MAST4: variants seen among roughly 807,000 people sequenced by gnomAD.
MAST4 encodes the protein microtubule associated serine/threonine kinase family member 4.
In MAST4, 89 loss-of-function variants were observed where a neutral mutation model predicts 162.7. The observed-to-expected ratio is 0.55, with a 90% CI of 0.46 to 0.65. MAST4 has a LOEUF of 0.65. MAST4 is among the 30% of genes least tolerant of loss of function. MAST4 has a pLI of 0.00. For synonymous variants in MAST4, 1,479 were observed against 1,361.1 expected (o/e 1.09, Z -1.91); for missense variants, 3,153 against 3,374.0 (o/e 0.93, Z 1.62).
chr5:67,025,193 A>G (rs1191918117), intron 4 of MAST4, among the ~76,000 whole-genome samples: 3 of 152,162 alleles, frequency 2.0e-5, no homozygotes, highest in East Asian at 1.9e-4. Flanking sequence ...AAGGAAACCA[A>G]TTATAATGAA....
At chr5:66,672,077 A>G (rs1747644691) in intron 1 of MAST4, among the ~76,000 whole-genome samples, 1 of 152,188 alleles carries the variant, frequency 6.6e-6, no homozygotes, top group Non-Finnish European at 1.5e-5. Flanking sequence ...TTAAACATGT[A>G]GTGTATTTTA....
chr5:66,760,897 G>A (rs1042128755), intron 2 of MAST4, among the ~76,000 whole-genome samples: 4 of 152,092 alleles, frequency 2.6e-5, no homozygotes, highest in African/African-American at 7.2e-5. Flanking sequence ...TGATCTGATC[G>A]CTATACATTA....
At chr5:66,841,693 C>A (rs553972729) in intron 3 of MAST4, among the ~76,000 whole-genome samples, 4 of 152,170 alleles carry the variant, frequency 2.6e-5, no homozygotes, top group Non-Finnish European at 5.9e-5. Context: ...GGCCCCATCT[C>A]TAAATGTTAA....
At chr5:66,865,683 C>T (rs1760460811) in intron 3 of MAST4, among the ~76,000 whole-genome samples, 1 of 152,098 alleles carries the variant, frequency 6.6e-6, no homozygotes, top group Non-Finnish European at 1.5e-5. Flanking sequence ...GCTCCCTAGC[C>T]CTGTCTCATC....
At chr5:66,872,598 G>A (rs1036796242) in intron 3 of MAST4, among the ~76,000 whole-genome samples, 5 of 152,190 alleles carry the variant, frequency 3.3e-5, no homozygotes, top group African/African-American at 1.2e-4. Flanking sequence ...CCGAGCCGCA[G>A]ACAACTCACT....
chr5:66,840,733 C>T (rs138266161), intron 3 of MAST4, among the ~76,000 whole-genome samples: 56 of 152,222 alleles, frequency 3.7e-4, no homozygotes, highest in African/African-American at 8.7e-4. Flanking sequence ...AAGAATATAC[C>T]CAGGGTAGCT....
chr5:67,078,822 A>T (rs1381578841), intron 5 of MAST4, among the ~76,000 whole-genome samples: 33 of 124,292 alleles, frequency 2.7e-4, no homozygotes, highest in Non-Finnish European at 4.5e-4. Flanking sequence ...ATATTTTTAT[A>T]TTTATATTTA....
intron 3 of MAST4, among the ~76,000 whole-genome samples, chr5:66,862,082 A>C (rs760106646): frequency 6.6e-6 from 1 of 152,218 alleles, no homozygotes; most frequent in Non-Finnish European, 1.5e-5. Context: ...CACAAATGAA[A>C]CAAGTCAAAA....
intron 3 of MAST4, among the ~76,000 whole-genome samples, chr5:66,866,203 G>T (rs1197625980): frequency 1.1e-5 from 1 of 91,568 alleles, no homozygotes; most frequent in South Asian, 3.4e-4. Flanking sequence ...CCGTCGTAGG[G>T]TCTGCATTTC....
intron 1 of MAST4, among the ~76,000 whole-genome samples, chr5:66,720,524 T>C (rs1751134676): frequency 6.6e-6 from 1 of 152,170 alleles, no homozygotes; most frequent in South Asian, 2.1e-4. Context: ...ATATTCTGTA[T>C]ACTTGTATTA....
At chr5:66,999,870 C>T (rs1451350775) in intron 4 of MAST4, among the ~76,000 whole-genome samples, 2 of 152,136 alleles carry the variant, frequency 1.3e-5, no homozygotes, top group Non-Finnish European at 2.9e-5. Context: ...TCAGGCCTAT[C>T]CCTACAAGTT....
At position 67,164,707 on chromosome 5, in the gene MAST4, T is replaced by C. The variant is rs762290536; in HGVS notation, c.5528T>C (p.Leu1843Pro). Residue 1843 changes from leucine to proline, a missense_variant, in exon 29 of 29, where the codon CTC (leucine) becomes CCC (proline). By Grantham distance (98) the Leu-to-Pro change is moderately conservative. Transcript: ENST00000403625. This position sits in a 1 kb window ranked among gnomAD's most constrained non-coding sequence, Gnocchi z 5.3. ...GDVRASVPPV[L>P]PSSSGKKNDT... is the part of the protein sequence containing the mutation. ...GTGAGGGCCTCTGTGCCACCAGTTC[T>C]CCCCAGCAGCAGTGGGAAAAAGAAC... 1.6e-5 allele frequency: 26 copies of C among 1,613,762 alleles called. No individual in the cohort carries two copies. The highest frequency in any genetic ancestry group is 5.1e-6 in the Non-Finnish European group (6 of 1,179,872).
chr5:66,946,583 A>C (rs1404170464), intron 4 of MAST4, among the ~76,000 whole-genome samples: 2 of 152,158 alleles, frequency 1.3e-5, no homozygotes, highest in African/African-American at 2.4e-5. Flanking sequence ...TTGTGCAGCT[A>C]TTCAAATTGC....
chr5:66,673,591 A>G (rs1747762810), intron 1 of MAST4, among the ~76,000 whole-genome samples: 1 of 146,638 alleles, frequency 6.8e-6, no homozygotes, highest in Non-Finnish European at 1.5e-5. Context: ...ACGTGGCGCG[A>G]TCACAGCTCA....
intron 17 of MAST4, 82 bp downstream of exon 17, chr5:67,133,728 C>A: frequency 7.0e-7 from 1 of 1,438,264 alleles, no homozygotes; most frequent in Non-Finnish European, 9.6e-7. Flanking sequence ...TTGTGTGGGC[C>A]ATCTTCACAT....
At chr5:66,844,893 TA>T (rs1247875275) in intron 3 of MAST4, among the ~76,000 whole-genome samples, 1 of 151,580 alleles carries the variant, frequency 6.6e-6, no homozygotes, top group African/African-American at 2.4e-5. Context: ...AAAGATCCAA[TA>T]GATAAGAAGG....
chr5:66,843,497 A>G (rs868301201), intron 3 of MAST4, among the ~76,000 whole-genome samples: 3 of 152,124 alleles, frequency 2.0e-5, no homozygotes, highest in African/African-American at 4.8e-5. Context: ...GACTCCCCCA[A>G]CTGAGTCTAC....
chr5:66,858,131 AT>A (rs879426525), intron 3 of MAST4, among the ~76,000 whole-genome samples: 1 of 151,600 alleles, frequency 6.6e-6, no homozygotes, highest in African/African-American at 2.4e-5. Context: ...TAATTTTTAT[AT>A]TTTTTACATA....
intron 5 of MAST4, among the ~76,000 whole-genome samples, chr5:67,056,642 T>C (rs1424369453): frequency 6.6e-6 from 1 of 152,206 alleles, no homozygotes; most frequent in African/African-American, 2.4e-5. Context: ...AACATTAATA[T>C]AGAATTTAAT....
Sources: gnomAD v4.1 joint callset for allele counts (sites outside exome capture counted in the v4.1 genomes callset) on GRCh38, gnomAD v4.1.1 for gene constraint, Gnocchi (gnomAD v3.1) non-coding constraint, MANE v1.5 for transcripts, NCBI Gene and HGNC (gene_info 2026-07-23, HGNC 2026-07-21) for gene names.